MED23: variants seen among roughly 807,000 people sequenced by gnomAD.
MED23 encodes mediator complex subunit 23, also known as mediator of RNA polymerase II transcription subunit 23.
Under a neutral mutation model 163.9 loss-of-function variants are expected in MED23, and 105 were observed. That is an observed-to-expected ratio of 0.64 (90% CI 0.55 to 0.75). MED23 has a LOEUF of 0.75. Ranked by LOEUF, MED23 falls within the 30% of genes least tolerant of loss-of-function variation. MED23 has a pLI of 0.00. For synonymous variants in MED23, 561 were observed against 565.6 expected (o/e 0.99, Z 0.12); for missense variants, 1,054 against 1,649.0 (o/e 0.64, Z 6.25).
rs1020980154 is a variant in MED23 at position 131,601,006 on chromosome 6, GTGAC to G, written c.2096-848_2096-845del. Among the ~76,000 whole-genome samples the G allele has an allele frequency of 6.8e-4, 102 of 150,752 alleles. 2 individuals carry two copies. The highest frequency in any genetic ancestry group is 7.8e-4 in the East Asian group (4 of 5,158). Reference sequence around the variant, plus strand: ...TGAGGAAAAACACTTGTGCACTTGTGTGACTGACTGAGCACTGAGTTAAATCAGC... The same window carrying G: ...TGAGGAAAAACACTTGTGCACTTGTGTGACTGAGCACTGAGTTAAATCAGC... On this transcript the variant is annotated intron_variant, in intron 17 of 28. Transcript: ENST00000368068.
chr6:131,583,795 C>T, downstream of MED23: 5 of 1,614,030 alleles, frequency 3.1e-6, no homozygotes, highest in South Asian at 2.2e-5. Context: ...GGGGAAGACA[C>T]CAGAAGAAGT....
intron 10 of MED23, among the ~76,000 whole-genome samples, chr6:131,611,227 G>GA (rs1776257487): frequency 6.6e-6 from 1 of 151,820 alleles, no homozygotes; most frequent in South Asian, 2.1e-4. Context: ...CAAATTTAGG[G>GA]AAAAAAATGC....
rs780317656 is a variant in MED23 at position 131,587,662 on chromosome 6, C to T, written c.*17G>A. 6.2e-7 allele frequency: 1 copy of T among 1,613,958 alleles called. No homozygotes were observed. Among genetic ancestry groups the T allele is most frequent in the Non-Finnish European group, 8.5e-7 (1 of 1,179,928 alleles). ...AAGACGGATATATTTCTACTTTCTC[C>T]ACAGTACAGTCTGGCTTCACTGAGT... On this transcript the variant is annotated 3_prime_UTR_variant, in exon 29 of 29. Coordinates refer to ENST00000368068, the MANE Select transcript of MED23 (RefSeq NM_004830.4).
rs141209161 is a variant in MED23 at position 131,595,029 on chromosome 6, C to T, written c.2996-694G>A. ...AAAGAACGCTCACTTGAACTTTATG[C>T]CTATTCTACCATGTTAACACACAAT... On this transcript the variant is annotated intron_variant, in intron 22 of 28. Coordinates refer to ENST00000368068, the MANE Select transcript of MED23 (RefSeq NM_004830.4). 7.9e-4 allele frequency among the ~76,000 whole-genome samples: 120 copies of T among 152,248 alleles called. 2 individuals carry two copies. In the East Asian group the frequency reaches 0.022, roughly 28 times the overall value.
chr6:131,576,909 A>C (rs1233985841), intron 30 of MED23, among the ~76,000 whole-genome samples: 1 of 152,142 alleles, frequency 6.6e-6, no homozygotes, highest in Admixed American at 6.5e-5. Flanking sequence ...AATGCTCAGG[A>C]AACATTGCTG....
At chr6:131,583,317 T>C (rs769396581), downstream of MED23, 12 of 1,613,856 alleles carry the variant, frequency 7.4e-6, no homozygotes, top group South Asian at 1.3e-4. Flanking sequence ...TGTGAAGCCA[T>C]CAACCTTAAA....
chr6:131,587,190 A>G lies in MED23; in HGVS notation c.*489T>C. 2 of 1,124,454 alleles carry G rather than the reference A, an allele frequency of 1.8e-6. No homozygotes were observed. Among genetic ancestry groups the G allele is most frequent in the Non-Finnish European group, 2.2e-6 (2 of 903,420 alleles). 69.7% of individuals were successfully genotyped at this position (1,124,454 alleles called of 1,614,324 possible). A position where few individuals can be genotyped will look rare whatever the true frequency, so the allele number is the denominator to read the frequency against. ...GCCTTGTTTGCTCCTACAATGCAAC[A>G]AAATCTAGATTCCTTTTCTTGATAT... On this transcript the variant is annotated 3_prime_UTR_variant, in exon 29 of 29. Coordinates refer to ENST00000368068, the MANE Select transcript of MED23 (RefSeq NM_004830.4).
intron 10 of MED23, chr6:131,615,403 A>G (rs1776603733): frequency 2.6e-6 from 4 of 1,561,098 alleles, no homozygotes; most frequent in Admixed American, 3.4e-5. Flanking sequence ...GAAGAAAAAA[A>G]GAAAAGACAA....
At chr6:131,605,548 T>G in intron 13 of MED23, 63 bp from the exon 14 acceptor site, 1 of 1,421,432 alleles carries the variant, frequency 7.0e-7, no homozygotes, top group Non-Finnish European at 9.4e-7. Context: ...TTAATTTGTA[T>G]TTTTTTAAAA....
At chr6:131,620,971 T>G (rs767974685) in intron 6 of MED23, among the ~76,000 whole-genome samples, 6 of 152,070 alleles carry the variant, frequency 3.9e-5, no homozygotes, top group Non-Finnish European at 7.4e-5. Flanking sequence ...CCCGGCTAAC[T>G]TTTTAATTTT....
Position 131,592,883 on chromosome 6 carries a change from A to G in MED23, c.3398+123T>C, listed in dbSNP as rs1351626778. On this transcript the variant is annotated intron_variant, in intron 24 of 28. Coordinates refer to ENST00000368068, the MANE Select transcript of MED23 (RefSeq NM_004830.4). Reference sequence around the variant, plus strand: ...CACAAAGACAAGATCTGGAACCAGAAAACAGTCATCATCCAATGTGCATCA... The same window carrying G: ...CACAAAGACAAGATCTGGAACCAGAGAACAGTCATCATCCAATGTGCATCA... The G allele has an allele frequency of 4.8e-5, 55 of 1,148,082 alleles. No homozygotes were observed. In the East Asian group the frequency reaches 1.3e-3, roughly 27 times the overall value. The allele number at this position is 1,148,082 out of a possible 1,614,324, so 71.1% of individuals were successfully genotyped here.
At position 131,598,143 on chromosome 6, in the gene MED23, G is replaced by T; in HGVS notation, c.2607+144C>A. ...CAAAAACAGAAATTGGAAAATTTCC[G>T]GCTCTTTAGGGAAGTGACAGCAATG... On this transcript the variant is annotated intron_variant, in intron 20 of 28. Coordinates refer to ENST00000368068, the MANE Select transcript of MED23 (RefSeq NM_004830.4). This position sits in a 1 kb window ranked among gnomAD's most constrained non-coding sequence, Gnocchi z 4.7. The T allele has an allele frequency of 1.2e-6, 1 of 857,438 alleles. No homozygotes were observed. Among genetic ancestry groups the T allele is most frequent in the Non-Finnish European group, 1.8e-6 (1 of 550,652 alleles). 53.1% of individuals were successfully genotyped at this position (857,438 alleles called of 1,614,324 possible).
chr6:131,610,417 A>C (rs369247305), intron 10 of MED23, among the ~76,000 whole-genome samples, 171 bp from the exon 11 acceptor site: 1 of 152,182 alleles, frequency 6.6e-6, no homozygotes, highest in Non-Finnish European at 1.5e-5. Context: ...TTATATTATT[A>C]TACAGGATAA....
intron 28 of MED23, 26 bp from the exon 29 acceptor site, chr6:131,587,872 GTACTT>G: frequency 6.3e-7 from 1 of 1,578,440 alleles, no homozygotes; most frequent in Non-Finnish European, 8.7e-7. Flanking sequence ...ACATTAAAAC[GTACTT>G]TAATCAGAGA....
At chr6:131,627,247 A>AAGCC in intron 3 of MED23, 149 bp downstream of exon 3, 1 of 693,098 alleles carries the variant, frequency 1.4e-6, no homozygotes, top group East Asian at 2.7e-5. Context: ...AAACAAATGG[A>AAGCC]AGCCAGAATA....
chr6:131,619,337 G>A (rs944840613), intron 8 of MED23, among the ~76,000 whole-genome samples: 3 of 152,168 alleles, frequency 2.0e-5, no homozygotes, highest in African/African-American at 7.2e-5. Context: ...AATAATTAAA[G>A]AGGATATGTG....
intron 10 of MED23, chr6:131,615,447 A>T: frequency 1.1e-6 from 1 of 930,804 alleles, no homozygotes; most frequent in Non-Finnish European, 1.6e-6. Flanking sequence ...CAAGGAACCC[A>T]GAGTCAGCAC....
At chr6:131,625,141 T>C in intron 3 of MED23, 152 bp from the exon 4 acceptor site, 2 of 867,744 alleles carry the variant, frequency 2.3e-6, no homozygotes, top group South Asian at 1.6e-5. Context: ...AAAAGCAAAA[T>C]TAAAAAATTC....
chr6:131,623,917 G>A (rs1327686022), intron 4 of MED23, among the ~76,000 whole-genome samples: 3 of 152,136 alleles, frequency 2.0e-5, no homozygotes, highest in South Asian at 2.1e-4. Flanking sequence ...ATCCTCACAA[G>A]TGTCTTTCAT....
Sources: gnomAD v4.1 joint callset for allele counts (sites outside exome capture counted in the v4.1 genomes callset) on GRCh38, gnomAD v4.1.1 for gene constraint, Gnocchi (gnomAD v3.1) non-coding constraint, MANE v1.5 for transcripts, NCBI Gene and HGNC (gene_info 2026-07-23, HGNC 2026-07-21) for gene names.